The following RORA variants were observed in gnomAD, a reference collection of about 807,000 sequenced individuals.
RORA encodes nuclear receptor ROR-alpha.
Under a neutral mutation model 69.5 loss-of-function variants are expected in RORA, and 7 were observed. That is an observed-to-expected ratio of 0.10 (90% CI 0.06 to 0.19). The LOEUF (loss-of-function observed/expected upper bound fraction) is 0.19. Among genes scored for constraint, RORA ranks in the 10% least tolerant of loss-of-function variants. The pLI, the probability that RORA is intolerant of heterozygous loss-of-function variation, is 1.00. For synonymous variants in RORA, 261 were observed against 240.8 expected, an observed-to-expected ratio of 1.08 and a Z score of -0.78; for missense variants, 457 against 663.0, an observed-to-expected ratio of 0.69 and a Z score of 3.41.
At chr15:60,883,180 G>GAGAGAA (rs141598376) in intron 1 of RORA, among the ~76,000 whole-genome samples, 1,645 of 113,870 alleles carry the variant, frequency 0.014, 24 homozygotes, top group Non-Finnish European at 0.017. Flanking sequence ...GAGAGAGAGA[G>GAGAGAA]AGAAAGAAAG....
At chr15:60,521,947 C>T (rs1254907540) in intron 3 of RORA, among the ~76,000 whole-genome samples, 1 of 152,092 alleles carries the variant, frequency 6.6e-6, no homozygotes, top group African/African-American at 2.4e-5. Context: ...TCTGGAAATT[C>T]TATTCCCTAA....
rs570603442 is a variant in RORA at position 60,904,601 on chromosome 15, G to A, written c.167-225915C>T. On this transcript the variant is annotated intron_variant, in intron 1 of 10. Transcript: ENST00000335670. ...TGAACTCATTTTACCCTCTCTTCCA[G>A]GGGCTGTGCACACCTTAGGTAGAAA... Among the ~76,000 whole-genome samples the A allele has an allele frequency of 1.6e-3, 249 of 152,300 alleles. 1 individual carries two copies. Among genetic ancestry groups the A allele is most frequent in the African/African-American group, 5.8e-3 (243 of 41,566 alleles).
At chr15:60,612,243 C>T (rs1028700092) in intron 2 of RORA, among the ~76,000 whole-genome samples, 1 of 152,086 alleles carries the variant, frequency 6.6e-6, no homozygotes, top group Non-Finnish European at 1.5e-5. Context: ...TAATTTTTTT[C>T]TTTTTGCTTG....
chr15:60,636,380 A>T (rs1289093232), intron 2 of RORA, among the ~76,000 whole-genome samples: 1 of 152,226 alleles, frequency 6.6e-6, no homozygotes, highest in Non-Finnish European at 1.5e-5. Flanking sequence ...AGAAAGGGCA[A>T]GAAGAGAAAG....
intron 1 of RORA, among the ~76,000 whole-genome samples, chr15:61,119,657 T>C (rs931048863): frequency 6.6e-6 from 1 of 152,048 alleles, no homozygotes; most frequent in African/African-American, 2.4e-5. Flanking sequence ...AGGTTGGCCT[T>C]GAGGGCCACA....
rs545168897 is a variant in RORA, at chr15:60,714,137, T to C, written c.167-35451A>G. On this transcript the variant is annotated intron_variant, in intron 1 of 10. Coordinates refer to ENST00000335670, the MANE Select transcript of RORA (RefSeq NM_134261.3). ...GGCGTGGTCTCAGCTCACTGCAACCTCCGCCTCCCGGATTCAAGCAATTCT... is the reference window on the plus strand; with the variant it reads ...GGCGTGGTCTCAGCTCACTGCAACCCCCGCCTCCCGGATTCAAGCAATTCT... Among the ~76,000 whole-genome samples, 111 of 151,550 alleles carry C rather than the reference T, an allele frequency of 7.3e-4. 1 individual carries two copies. In the East Asian group the frequency reaches 0.02, roughly 28 times the overall value.
intron 1 of RORA, among the ~76,000 whole-genome samples, chr15:60,800,402 G>A (rs1449135820): frequency 6.6e-6 from 1 of 152,194 alleles, no homozygotes; most frequent in Non-Finnish European, 1.5e-5. Flanking sequence ...ATGCCAGGAA[G>A]ACTAATTTAA....
At chr15:60,673,667 C>T (rs551580333) in intron 2 of RORA, among the ~76,000 whole-genome samples, 19 of 152,252 alleles carry the variant, frequency 1.2e-4, no homozygotes, top group African/African-American at 3.1e-4. Context: ...CAGTTATGAG[C>T]GACTTATGGA....
At chr15:60,947,886 G>T (rs1312002110) in intron 1 of RORA, among the ~76,000 whole-genome samples, 1 of 152,086 alleles carries the variant, frequency 6.6e-6, no homozygotes, top group Non-Finnish European at 1.5e-5. Context: ...ATGGGGCCTT[G>T]GGGCCTCAGG....
At chr15:61,003,037 G>A (rs143363163) in intron 1 of RORA, among the ~76,000 whole-genome samples, 15 of 150,306 alleles carry the variant, frequency 1.0e-4, no homozygotes, top group Non-Finnish European at 7.4e-5. Flanking sequence ...CCAGCTACTC[G>A]GGAGGCTGAG....
At chr15:60,838,213 A>G (rs1358189653) in intron 1 of RORA, among the ~76,000 whole-genome samples, 1 of 152,102 alleles carries the variant, frequency 6.6e-6, no homozygotes, top group Non-Finnish European at 1.5e-5. Flanking sequence ...ATGCTGTTCC[A>G]CACCAGACCT....
At chr15:61,156,123 C>T (rs1425837944) in intron 1 of RORA, among the ~76,000 whole-genome samples, 1 of 152,080 alleles carries the variant, frequency 6.6e-6, no homozygotes, top group East Asian at 1.9e-4. Flanking sequence ...ACTGTTCCTA[C>T]TCTTTACTGG....
chr15:60,556,274 G>A (rs1008630701), intron 2 of RORA, among the ~76,000 whole-genome samples: 1 of 152,154 alleles, frequency 6.6e-6, no homozygotes, highest in Admixed American at 6.5e-5. Flanking sequence ...AAGGGGATCT[G>A]TGTTCCCCAT....
At chr15:60,813,617 G>A (rs1297648610) in intron 1 of RORA, among the ~76,000 whole-genome samples, 1 of 151,718 alleles carries the variant, frequency 6.6e-6, no homozygotes, top group African/African-American at 2.4e-5. Flanking sequence ...TGAAATCTTA[G>A]CATACGTTGT....
chr15:61,190,857 A>C (rs868567382), intron 1 of RORA, among the ~76,000 whole-genome samples: 1 of 152,218 alleles, frequency 6.6e-6, no homozygotes, highest in African/African-American at 2.4e-5. Flanking sequence ...GGTTTTATAT[A>C]TATTTATATA....
intron 1 of RORA, among the ~76,000 whole-genome samples, chr15:60,751,179 G>A (rs8025324): frequency 0.21 from 32,546 of 151,992 alleles, 4,306 homozygotes; most frequent in African/African-American, 0.37. Context: ...TCCCCATGGC[G>A]GGGCATCTCT....
At chr15:61,108,860 A>T (rs2078976404) in intron 1 of RORA, among the ~76,000 whole-genome samples, 1 of 152,184 alleles carries the variant, frequency 6.6e-6, no homozygotes. Context: ...AAAAATTAGG[A>T]ATGTGCCAAT....
At chr15:60,562,530 G>A (rs2067597706) in intron 2 of RORA, among the ~76,000 whole-genome samples, 1 of 152,014 alleles carries the variant, frequency 6.6e-6, no homozygotes, top group Non-Finnish European at 1.5e-5. Context: ...CTGCCTCCCG[G>A]GTTCAGGCGA....
chr15:60,879,280 C>G (rs971282398), intron 1 of RORA, among the ~76,000 whole-genome samples: 5 of 152,086 alleles, frequency 3.3e-5, no homozygotes, highest in Non-Finnish European at 7.4e-5. Flanking sequence ...AACCAGGTGG[C>G]CTTGGAGAAG....
Sources: gnomAD v4.1 joint callset for allele counts (sites outside exome capture counted in the v4.1 genomes callset) on GRCh38, gnomAD v4.1.1 for gene constraint, MANE v1.5 for transcripts, NCBI Gene and HGNC (gene_info 2026-07-23, HGNC 2026-07-21) for gene names.